Variants in CGREF1 observed in about 807,000 individuals in gnomAD.
The protein encoded by CGREF1 is cell growth regulator with EF hand domain protein 1.
A neutral mutation model predicts 17.4 loss-of-function variants in CGREF1; 16 were observed. The ratio of observed to expected loss-of-function variants is 0.92; its 90% CI spans 0.62 to 1.40. CGREF1 has a LOEUF of 1.40. CGREF1 is among the 40% of genes most tolerant of loss of function. The pLI is 0.00. For synonymous variants in CGREF1, 142 were observed against 154.6 expected (o/e 0.92, Z 0.61); for missense variants, 296 against 376.4 (o/e 0.79, Z 1.77).
chr2:27,102,556 T>C lies in CGREF1; in HGVS notation c.116A>G (p.Asn39Ser), dbSNP rs1196424955. The C allele has an allele frequency of 6.2e-7, 1 of 1,613,398 alleles. No individual in the cohort carries two copies. Among genetic ancestry groups the C allele is most frequent in the South Asian group, 1.1e-5 (1 of 91,050 alleles). ...CTGCTCCTGGCCTGGCTGGAAGGGGTTGGGCAGGAGCTGATGCTGCACTTC... is the reference window on the plus strand; with the variant it reads ...CTGCTCCTGGCCTGGCTGGAAGGGGCTGGGCAGGAGCTGATGCTGCACTTC... ...DSEVQHQLLP[N>S]PFQPGQEQLG... Residue 39 changes from asparagine (N) to serine (S), a missense_variant, in exon 3 of 6, where the codon AAC (asparagine) becomes AGC (serine). By Grantham distance (46) the Asn-to-Ser change is conservative. Coordinates refer to ENST00000402394, the MANE Select transcript of CGREF1 (RefSeq NM_006569.6).
At chr2:27,100,357 A>G (rs1467746753), downstream of CGREF1, 1 of 1,141,274 alleles carries the variant, frequency 8.8e-7, no homozygotes, top group African/African-American at 1.6e-5. Flanking sequence ...TTCATTGTCC[A>G]GAAATACCTC....
rs911985739 is a variant in CGREF1, at chr2:27,104,111, T to C, written c.80+176A>G. 1.1e-4 allele frequency among the ~76,000 whole-genome samples: 17 copies of C among 152,280 alleles called. No individual in the cohort carries two copies. The South Asian group carries it at 3.5e-3, about 32-fold the overall frequency. On this transcript the variant is annotated intron_variant, in intron 2 of 5. Transcript: ENST00000402394. ...ATGGGTCCAGCAAGCATGTACTGAATGCCCACTTTGTGGCACTCTGACAGG... is the reference window on the plus strand; with the variant it reads ...ATGGGTCCAGCAAGCATGTACTGAACGCCCACTTTGTGGCACTCTGACAGG...
rs777505053 is a variant in CGREF1, at chr2:27,102,370, G to C, written c.207C>G (p.Ser69Arg). 1 of 1,614,114 alleles carries C rather than the reference G, an allele frequency of 6.2e-7. No individual in the cohort carries two copies. The highest frequency in any genetic ancestry group is 8.5e-7 in the Non-Finnish European group (1 of 1,179,966). ...AGCCCAGCCCCTCACCCTGCTCCCG[G>C]CTCAGATGCTCCAGTTGCACTTCTG... ...GRTEVQLEHLSREQVLLYLFA... is the reference protein window; with the variant it reads ...GRTEVQLEHLRREQVLLYLFA... Residue 69 changes from serine (S) to arginine (R), a missense_variant, in exon 4 of 6, where the codon AGC becomes AGG. Around this residue, in one of 3 missense-constraint regions of CGREF1, gnomAD observed 247 missense variants for 267.2 expected, o/e 0.92. Transcript: ENST00000402394.
downstream of CGREF1, chr2:27,100,160 C>T (rs985866003): frequency 3.2e-5 from 16 of 493,294 alleles, 1 homozygote; most frequent in Middle Eastern, 1.1e-3. Flanking sequence ...GGAGGACACT[C>T]GGTGCCCCAC....
In CGREF1 at chr2:27,101,145, G is replaced by C; in HGVS notation, c.*129C>G. ...AGGGTCTCCCTGAGCTGCACAGAAA[G>C]ACCTGATACCTACTGGGACCAGGCA... On this transcript the variant is annotated 3_prime_UTR_variant, in exon 6 of 6. Coordinates refer to ENST00000402394, the MANE Select transcript of CGREF1 (RefSeq NM_006569.6). 1 of 1,465,850 alleles carries C rather than the reference G, an allele frequency of 6.8e-7. No individual in the cohort carries two copies. The highest frequency in any genetic ancestry group is 2.4e-5 in the East Asian group (1 of 42,384). 90.8% of individuals were successfully genotyped at this position (1,465,850 alleles called of 1,614,324 possible).
In CGREF1 at chr2:27,100,615, A is replaced by G; in HGVS notation, c.*659T>C. The G allele has an allele frequency of 8.4e-7, 1 of 1,196,396 alleles. No individual in the cohort carries two copies. Among genetic ancestry groups the G allele is most frequent in the East Asian group, 5.7e-5 (1 of 17,454 alleles). 74.1% of individuals were successfully genotyped at this position (1,196,396 alleles called of 1,614,324 possible). On this transcript the variant is annotated 3_prime_UTR_variant, in exon 6 of 6. Transcript: ENST00000402394. ...GACCTGGATTAAAATCTGCCATTTA[A>G]TTAGCTGCATATCACCTTAGGGTAC...
intron 1 of CGREF1, among the ~76,000 whole-genome samples, chr2:27,106,947 A>C (rs1419569468): frequency 6.6e-6 from 1 of 152,122 alleles, no homozygotes; most frequent in Non-Finnish European, 1.5e-5. Context: ...CTGAATTATT[A>C]ATGCTACCTG....
intron 2 of CGREF1, among the ~76,000 whole-genome samples, chr2:27,103,927 G>A (rs1168304868): frequency 6.6e-6 from 1 of 152,138 alleles, no homozygotes; most frequent in African/African-American, 2.4e-5. Context: ...AGCTCGCAGT[G>A]AGCTGAGATC....
At chr2:27,113,836 C>G (rs541041656) in intron 1 of CGREF1, among the ~76,000 whole-genome samples, 7 of 152,228 alleles carry the variant, frequency 4.6e-5, no homozygotes, top group African/African-American at 7.2e-5. Context: ...TCACACACCC[C>G]CTTCCCACCT....
chr2:27,117,159 C>T (rs1401574905), intron 1 of CGREF1, among the ~76,000 whole-genome samples: 1 of 152,080 alleles, frequency 6.6e-6, no homozygotes, highest in Non-Finnish European at 1.5e-5. Flanking sequence ...GATCTACCCA[C>T]CTTGGCCTCC....
downstream of CGREF1, chr2:27,100,566 T>G: frequency 7.8e-7 from 1 of 1,287,124 alleles, no homozygotes; most frequent in South Asian, 1.2e-5. Flanking sequence ...GAGCATATAA[T>G]GTAAAGGGCT....
downstream of CGREF1, chr2:27,099,955 T>A (rs1670706360): frequency 1.7e-6 from 2 of 1,154,936 alleles, no homozygotes; most frequent in East Asian, 5.1e-5. Context: ...AGCAAATAAA[T>A]CTTCCTCAGA....
At position 27,104,354 on chromosome 2, in the gene CGREF1, T is replaced by A. The variant is rs1435263146; in HGVS notation, c.13A>T (p.Thr5Ser). 1.2e-6 allele frequency: 2 copies of A among 1,611,262 alleles called. No homozygotes were observed. Among genetic ancestry groups the A allele is most frequent in the African/African-American group, 2.7e-5 (2 of 74,860 alleles). ...AGCAGCAGGATTAACACTGTCATCG[T>A]CAAAGGTAACATCCTTCCTGGAACT... is the stretch of plus-strand genomic sequence containing the variant. MLPL[T>S]MTVLILLLLP... The change falls in exon 2 of 6, where the codon ACG becomes TCG. Residue 5 changes from threonine (T) to serine (S), a missense_variant. Transcript: ENST00000402394.
In CGREF1 at chr2:27,101,802, C is replaced by A. The variant is rs142435671; in HGVS notation, c.429G>T (p.Pro143=). ...GCTCCACGTGCCTGAGGGCTACTCC[C>A]GGGAAGTTGATGAGCTCAGCAGGGG... ...LMTPAELINF[P]GVALRHVEPG... The change falls in exon 6 of 6, where the codon CCG becomes CCT. Residue 143 remains proline, a synonymous_variant. Transcript: ENST00000402394. 7 of 1,614,062 alleles carry A rather than the reference C, an allele frequency of 4.3e-6. No homozygotes were observed. The highest frequency in any genetic ancestry group is 1.6e-4 in the Middle Eastern group (1 of 6,084).
chr2:27,100,810 G>A lies in CGREF1; in HGVS notation c.*464C>T. 2 of 1,117,750 alleles carry A rather than the reference G, an allele frequency of 1.8e-6. No homozygotes were observed. Among genetic ancestry groups the A allele is most frequent in the East Asian group, 7.3e-5 (1 of 13,744 alleles). 69.2% of individuals were successfully genotyped at this position (1,117,750 alleles called of 1,614,324 possible). ...TGATGATTAATATTACTGGGGATGGGGTCACCTGCCCTGAGCTGCAGGAGA... is the reference window on the plus strand; with the variant it reads ...TGATGATTAATATTACTGGGGATGGAGTCACCTGCCCTGAGCTGCAGGAGA... On this transcript the variant is annotated 3_prime_UTR_variant, in exon 6 of 6. Transcript: ENST00000402394.
chr2:27,102,281 C>T (rs1449379552), intron 4 of CGREF1, 60 bp from the exon 5 acceptor site: 1 of 1,612,248 alleles, frequency 6.2e-7, no homozygotes, highest in Middle Eastern at 1.7e-4. Flanking sequence ...AGGCAGGAGT[C>T]AATGGGGCAG....
chr2:27,111,915 A>G (rs1671405620), intron 1 of CGREF1, among the ~76,000 whole-genome samples: 1 of 152,196 alleles, frequency 6.6e-6, no homozygotes, highest in Admixed American at 6.5e-5. Flanking sequence ...AGGGGCTCCC[A>G]CAGTGCAACG....
At chr2:27,109,434 T>C (rs763498220) in intron 1 of CGREF1, among the ~76,000 whole-genome samples, 5 of 150,216 alleles carry the variant, frequency 3.3e-5, no homozygotes, top group Non-Finnish European at 7.4e-5. Flanking sequence ...TCACAAAGTA[T>C]GTGGCTAAAT....
At chr2:27,099,897 C>T, downstream of CGREF1, 1 of 1,529,960 alleles carries the variant, frequency 6.5e-7, no homozygotes, top group Non-Finnish European at 8.9e-7. Context: ...CCTGTGTTCC[C>T]CACAGGGAGA....
Sources: gnomAD v4.1 joint callset for allele counts (sites outside exome capture counted in the v4.1 genomes callset) on GRCh38, gnomAD v4.1.1 for gene constraint, gnomAD v4.1.1 regional missense constraint, MANE v1.5 for transcripts, NCBI Gene and HGNC (gene_info 2026-07-23, HGNC 2026-07-21) for gene names.